The following KLF13 variants were observed in gnomAD, a reference collection of about 807,000 sequenced individuals.
The protein encoded by KLF13 is Krueppel-like factor 13.
A neutral mutation model predicts 16.7 loss-of-function variants in KLF13; 8 were observed. That is an observed-to-expected ratio of 0.48 (90% CI 0.28 to 0.87). KLF13 has a LOEUF of 0.87. KLF13 is among the 40% of genes least tolerant of loss of function. KLF13 has a pLI of 0.10. For missense variants in KLF13, 447 were observed against 452.2 expected, an observed-to-expected ratio of 0.99 and a Z score of 0.10; for synonymous variants, 245 against 208.4, an observed-to-expected ratio of 1.18 and a Z score of -1.51.
intron 1 of KLF13, among the ~76,000 whole-genome samples, chr15:31,427,373 T>C (rs990681427): frequency 4.0e-5 from 6 of 151,630 alleles, no homozygotes; most frequent in Admixed American, 2.0e-4. Flanking sequence ...ATAACAAGTG[T>C]TGGCAAGAAT....
At chr15:31,424,400 C>G (rs1335291064) in intron 1 of KLF13, among the ~76,000 whole-genome samples, 1 of 151,850 alleles carries the variant, frequency 6.6e-6, no homozygotes, top group African/African-American at 2.4e-5. Flanking sequence ...TCCTGGAATA[C>G]AAGGATGGTT....
chr15:31,398,230 G>A (rs1425753433), intron 2 of KLF13, among the ~76,000 whole-genome samples: 1 of 152,186 alleles, frequency 6.6e-6, no homozygotes, highest in Non-Finnish European at 1.5e-5. Context: ...TAGTTGAAAG[G>A]AGCCCAGGCC....
At chr15:31,371,708 G>A (rs1337781995) in intron 1 of KLF13, among the ~76,000 whole-genome samples, 1 of 152,214 alleles carries the variant, frequency 6.6e-6, no homozygotes, top group African/African-American at 2.4e-5. Flanking sequence ...GTGTACTTAG[G>A]GGGTCCACTG....
chr15:31,338,809 G>A (rs540298220), intron 1 of KLF13, among the ~76,000 whole-genome samples: 3 of 152,262 alleles, frequency 2.0e-5, no homozygotes, highest in South Asian at 4.2e-4. Context: ...CTGAGGTTCA[G>A]TCTGGCCCCA....
At chr15:31,351,215 A>G (rs1449804806) in intron 1 of KLF13, among the ~76,000 whole-genome samples, 1 of 152,204 alleles carries the variant, frequency 6.6e-6, no homozygotes, top group Non-Finnish European at 1.5e-5. Context: ...AAAGATCATC[A>G]TTTGAGTGCC....
chr15:31,383,924 T>C (rs1178320079), intron 1 of KLF13, among the ~76,000 whole-genome samples: 2 of 75,882 alleles, frequency 2.6e-5, no homozygotes, highest in African/African-American at 8.2e-5. Flanking sequence ...AATAAATAAA[T>C]AAAATAAAAT....
intron 1 of KLF13, among the ~76,000 whole-genome samples, chr15:31,425,122 G>A (rs28424256): frequency 0.11 from 16,116 of 152,062 alleles, 2,963 homozygotes; most frequent in African/African-American, 0.37. Flanking sequence ...AAACATTGCT[G>A]AAAGAAATTA....
chr15:31,361,629 G>T (rs1386690571), intron 1 of KLF13, among the ~76,000 whole-genome samples: 1 of 152,094 alleles, frequency 6.6e-6, no homozygotes, highest in Non-Finnish European at 1.5e-5. Flanking sequence ...AGTGGGCCAC[G>T]ATGGTTGCCA....
intron 1 of KLF13, among the ~76,000 whole-genome samples, chr15:31,352,036 G>A (rs1227975844): frequency 1.3e-5 from 2 of 151,940 alleles, no homozygotes; most frequent in East Asian, 3.9e-4. Context: ...GAGGCGGGGG[G>A]AGTTTTGCAG....
At chr15:31,386,714 T>C (rs1454941259) in intron 1 of KLF13, among the ~76,000 whole-genome samples, 1 of 152,232 alleles carries the variant, frequency 6.6e-6, no homozygotes, top group Non-Finnish European at 1.5e-5. Flanking sequence ...AAGCTAGAGA[T>C]AAGTCAATGG....
At chr15:31,428,819 A>AG (rs1476540148) in intron 1 of KLF13, among the ~76,000 whole-genome samples, 71 of 148,796 alleles carry the variant, frequency 4.8e-4, no homozygotes, top group Non-Finnish European at 8.5e-4. Flanking sequence ...AAAAAAAAAA[A>AG]AAAAAAGAAA....
intron 1 of KLF13, among the ~76,000 whole-genome samples, chr15:31,329,805 C>T (rs2038794975): frequency 6.6e-6 from 1 of 152,164 alleles, no homozygotes; most frequent in African/African-American, 2.4e-5. Context: ...ATCAGAAGTC[C>T]TACCTCCAGG....
intron 1 of KLF13, among the ~76,000 whole-genome samples, chr15:31,329,645 C>T (rs2038791741): frequency 6.6e-6 from 1 of 152,218 alleles, no homozygotes; most frequent in Admixed American, 6.5e-5. Flanking sequence ...AGACCCGGGC[C>T]TCCCGCTGTA....
At chr15:31,419,401 T>A (rs575745321) in intron 1 of KLF13, among the ~76,000 whole-genome samples, 1 of 152,112 alleles carries the variant, frequency 6.6e-6, no homozygotes, top group Non-Finnish European at 1.5e-5. Context: ...AGTACACAGA[T>A]AGACAACTAA....
downstream of KLF13, among the ~76,000 whole-genome samples, chr15:31,381,129 GC>G: frequency 6.9e-6 from 1 of 145,670 alleles, no homozygotes; most frequent in Non-Finnish European, 1.5e-5. Context: ...CGAAGATCGC[GC>G]CATTGCACTC....
intron 1 of KLF13, among the ~76,000 whole-genome samples, chr15:31,332,019 C>T (rs1054211085): frequency 3.3e-5 from 5 of 152,086 alleles, no homozygotes; most frequent in South Asian, 4.1e-4. Context: ...ACTTATTTAC[C>T]CTTCACTTAT....
At chr15:31,416,248 A>G (rs1485081956) in intron 1 of KLF13, among the ~76,000 whole-genome samples, 1 of 152,172 alleles carries the variant, frequency 6.6e-6, no homozygotes, top group Non-Finnish European at 1.5e-5. Context: ...AGGAGAATTA[A>G]TGCTAATATC....
chr15:31,393,133 G>A (rs1460903688), exon 1 of KLF13: 1 of 152,282 alleles, frequency 6.6e-6, no homozygotes. Flanking sequence ...CTTGCTCCAG[G>A]GGCCTCTAGA....
chr15:31,402,738 G>C (rs565071519), intron 2 of KLF13, among the ~76,000 whole-genome samples: 1 of 152,158 alleles, frequency 6.6e-6, no homozygotes, highest in Non-Finnish European at 1.5e-5. Context: ...TCAGTTCTGC[G>C]GCTCATTAGT....
Sources: allele counts gnomAD v4.1 joint callset (sites outside exome capture counted in the v4.1 genomes callset), GRCh38; gene constraint gnomAD v4.1.1; transcripts MANE v1.5; gene names NCBI Gene and HGNC (gene_info 2026-07-23, HGNC 2026-07-21).